The following CSNK1A1 variants were observed in gnomAD, a reference collection of about 807,000 sequenced individuals.
CSNK1A1 encodes the protein casein kinase 1 alpha 1, also known as casein kinase I isoform alpha.
CSNK1A1 carries 7 observed loss-of-function variants against 46.1 expected under a neutral mutation model. The ratio of observed to expected loss-of-function variants is 0.15; its 90% CI spans 0.09 to 0.29. The LOEUF (loss-of-function observed/expected upper bound fraction) is 0.29, where lower values mean the gene tolerates loss of function less well. Among genes scored for constraint, CSNK1A1 ranks in the 10% least tolerant of loss-of-function variants. The probability of loss-of-function intolerance (pLI) is 1.00; values close to 1 mark genes in which losing one functional copy is unlikely to be tolerated. For synonymous variants in CSNK1A1, 137 were observed against 141.5 expected (o/e 0.97, Z 0.23); for missense variants, 96 against 417.1 (o/e 0.23, Z 6.71).
At chr5:149,502,758 C>G (rs1760909930) in intron 9 of CSNK1A1, 1 of 975,332 alleles carries the variant, frequency 1.0e-6, no homozygotes, top group East Asian at 1.2e-4. Context: ...AATCATTGAG[C>G]TGTATGAGTT....
chr5:149,524,798 C>T (rs746917333), intron 3 of CSNK1A1, among the ~76,000 whole-genome samples: 6 of 152,154 alleles, frequency 3.9e-5, no homozygotes, highest in Non-Finnish European at 8.8e-5. Flanking sequence ...CTACATATGA[C>T]ACTAAAACTT....
At chr5:149,502,435 A>G in intron 9 of CSNK1A1, 1 of 470,474 alleles carries the variant, frequency 2.1e-6, no homozygotes, top group South Asian at 9.3e-5. Context: ...CTCAACCTCC[A>G]GGGCTCAGGT....
chr5:149,508,525 G>A (rs181287506), intron 7 of CSNK1A1, among the ~76,000 whole-genome samples: 21 of 152,236 alleles, frequency 1.4e-4, no homozygotes, highest in African/African-American at 4.8e-4. Flanking sequence ...TTATGGATGA[G>A]ATCATGGTTA....
intron 4 of CSNK1A1, 156 bp from the exon 5 acceptor site, chr5:149,513,365 C>T (rs569400820): frequency 1.5e-6 from 1 of 655,052 alleles, no homozygotes; most frequent in South Asian, 2.6e-5. Flanking sequence ...TTAACACCCC[C>T]CCATAAGCTT....
At chr5:149,546,230 G>C (rs1762479148) in intron 2 of CSNK1A1, among the ~76,000 whole-genome samples, 1 of 151,950 alleles carries the variant, frequency 6.6e-6, no homozygotes, top group Admixed American at 6.6e-5. Flanking sequence ...AGGATGCTAT[G>C]CTTCTTAACA....
At chr5:149,498,238 T>G (rs185960632) in intron 9 of CSNK1A1, 25,721 of 984,830 alleles carry the variant, frequency 0.026, 301 homozygotes, top group Middle Eastern at 0.029. Flanking sequence ...TTTTTTTTTT[T>G]GGGAAATAAT....
rs191773443 is a variant in CSNK1A1 at position 149,540,298 on chromosome 5, T to C, written c.230+9777A>G. On this transcript the variant is annotated intron_variant, in intron 2 of 9. Coordinates refer to ENST00000377843, the MANE Select transcript of CSNK1A1 (RefSeq NM_001892.6). ...ACAATGCTCTTTCCATTTCCCTTTA[T>C]GTTGAGGATTGAAATGTACTCTCTT... Among the ~76,000 whole-genome samples, 108 of 152,318 alleles carry C rather than the reference T, an allele frequency of 7.1e-4. 2 individuals are homozygous for C. In the East Asian group the frequency reaches 0.018, roughly 25 times the overall value.
chr5:149,503,738 T>C lies in CSNK1A1; in HGVS notation c.1006+1709A>G, dbSNP rs143581860. The stretch of plus-strand genomic sequence containing the variant: ...GCAGGACACAAATTCTGCTTGTTTA[T>C]TGAATAAGAGACACACAGTAAACTA... On this transcript the variant is annotated intron_variant, in intron 9 of 9. Coordinates refer to ENST00000377843, the MANE Select transcript of CSNK1A1 (RefSeq NM_001892.6). 1.3e-3 allele frequency: 1,316 copies of C among 985,390 alleles called. 15 individuals are homozygous for C. In the African/African-American group the frequency reaches 0.021, roughly 16 times the overall value. The allele number at this position is 985,390 out of a possible 1,614,324, so 61.0% of individuals were successfully genotyped here.
Position 149,550,684 on chromosome 5 carries a change from C to T in CSNK1A1, c.123+158G>A, listed in dbSNP as rs1490751473. On this transcript the variant is annotated intron_variant, in intron 1 of 9. Coordinates refer to ENST00000377843, the MANE Select transcript of CSNK1A1 (RefSeq NM_001892.6). This position sits in a 1 kb window ranked among gnomAD's most constrained non-coding sequence, Gnocchi z 4.3. ...CGGGTTCTTGACCCTTTTAGGGAGA[C>T]AGCGGACGAGGTTCGTAAGCCAGGA... Among the ~76,000 whole-genome samples, 1 of 151,980 alleles carries T rather than the reference C, an allele frequency of 6.6e-6. No homozygotes were observed. The highest frequency in any genetic ancestry group is 1.5e-5 in the Non-Finnish European group (1 of 68,010).
chr5:149,545,035 G>A (rs1762428977), intron 2 of CSNK1A1, among the ~76,000 whole-genome samples: 1 of 151,116 alleles, frequency 6.6e-6, no homozygotes, highest in Admixed American at 6.6e-5. Flanking sequence ...CTGGGAGGCA[G>A]AGGTTGCAGT....
chr5:149,498,905 T>C lies in CSNK1A1; in HGVS notation c.1007-2045A>G, dbSNP rs527681735. On this transcript the variant is annotated intron_variant, in intron 9 of 9. Coordinates refer to ENST00000377843, the MANE Select transcript of CSNK1A1 (RefSeq NM_001892.6). ...GAATGTATCTGTACATCTTTTGACC[T>C]GTTATCTGAGGAATTGCTGAGTCAA... is the stretch of plus-strand genomic sequence containing the variant. 11 of 985,446 alleles carry C rather than the reference T, an allele frequency of 1.1e-5. No homozygotes were observed. The Admixed American group carries it at 4.3e-4, about 39-fold the overall frequency. The allele number at this position is 985,446 out of a possible 1,614,324, so 61.0% of individuals were successfully genotyped here.
At chr5:149,528,274 A>G (rs959385375) in intron 2 of CSNK1A1, among the ~76,000 whole-genome samples, 13 of 152,200 alleles carry the variant, frequency 8.5e-5, no homozygotes, top group African/African-American at 2.9e-4. Flanking sequence ...GCTAAAAAAA[A>G]ATAAGCGTCT....
chr5:149,510,530 T>C (rs1761185503), intron 6 of CSNK1A1, among the ~76,000 whole-genome samples: 1 of 152,156 alleles, frequency 6.6e-6, no homozygotes, highest in Non-Finnish European at 1.5e-5. Flanking sequence ...CAGGCTGGAG[T>C]GCAGTGGCTC....
chr5:149,506,218 C>T (rs1163400807), intron 8 of CSNK1A1, among the ~76,000 whole-genome samples: 10 of 151,552 alleles, frequency 6.6e-5, no homozygotes. Flanking sequence ...TGAGCCATTG[C>T]ACCTGGCAGA....
chr5:149,506,506 G>C (rs897026035), intron 8 of CSNK1A1, among the ~76,000 whole-genome samples: 5 of 152,146 alleles, frequency 3.3e-5, no homozygotes, highest in African/African-American at 1.2e-4. Flanking sequence ...CAAAGTGCTG[G>C]GATTACAGGC....
At chr5:149,542,682 A>G (rs1434452897) in intron 2 of CSNK1A1, among the ~76,000 whole-genome samples, 2 of 15,526 alleles carry the variant, frequency 1.3e-4, no homozygotes, top group East Asian at 3.4e-3. Context: ...GTATATATAT[A>G]TATATATATA....
At chr5:149,527,740 G>A (rs141173107) in intron 2 of CSNK1A1, among the ~76,000 whole-genome samples, 174 of 152,078 alleles carry the variant, frequency 1.1e-3, no homozygotes, top group African/African-American at 4.0e-3. Flanking sequence ...CATTACAAAC[G>A]TTCAACACTT....
chr5:149,527,793 G>C (rs1362151514), intron 2 of CSNK1A1, among the ~76,000 whole-genome samples: 1 of 152,052 alleles, frequency 6.6e-6, no homozygotes, highest in Non-Finnish European at 1.5e-5. Context: ...AAGAAAACGA[G>C]AACACCAAAT....
intron 2 of CSNK1A1, among the ~76,000 whole-genome samples, chr5:149,533,834 T>G (rs965701501): frequency 6.6e-5 from 10 of 152,274 alleles, no homozygotes; most frequent in African/African-American, 2.4e-4. Context: ...AAGTGGAAAA[T>G]GTACTTATAG....
Sources: gnomAD v4.1 joint callset for allele counts (sites outside exome capture counted in the v4.1 genomes callset) on GRCh38, gnomAD v4.1.1 for gene constraint, Gnocchi (gnomAD v3.1) non-coding constraint, MANE v1.5 for transcripts, NCBI Gene and HGNC (gene_info 2026-07-23, HGNC 2026-07-21) for gene names.